The following CRIM1 variants were observed in gnomAD, a reference collection of about 807,000 sequenced individuals.
CRIM1 encodes cysteine-rich motor neuron 1 protein.
A neutral mutation model predicts 116.4 loss-of-function variants in CRIM1; 32 were observed. The observed-to-expected ratio is 0.27, with a 90% CI of 0.21 to 0.37. CRIM1 has a LOEUF of 0.37. Ranked by LOEUF, CRIM1 falls within the 10% of genes least tolerant of loss-of-function variation. CRIM1 has a pLI of 1.00. For missense variants in CRIM1, 1,331 were observed against 1,354.8 expected, an observed-to-expected ratio of 0.98 and a Z score of 0.28; for synonymous variants, 590 against 509.2, an observed-to-expected ratio of 1.16 and a Z score of -2.13.
chr2:36,412,462 T>G (rs1673288044), intron 2 of CRIM1, among the ~76,000 whole-genome samples: 1 of 152,200 alleles, frequency 6.6e-6, no homozygotes, highest in Non-Finnish European at 1.5e-5. Flanking sequence ...TGTATTTTAC[T>G]GCTCTCTTTA....
intron 1 of CRIM1, among the ~76,000 whole-genome samples, chr2:36,367,286 A>T (rs551883616): frequency 6.6e-6 from 1 of 152,338 alleles, no homozygotes; most frequent in East Asian, 1.9e-4. Context: ...CTGTGTTTTA[A>T]TCAAGACTGT....
chr2:36,524,807 C>T (rs1317585092), intron 13 of CRIM1, among the ~76,000 whole-genome samples: 1 of 152,022 alleles, frequency 6.6e-6, no homozygotes, highest in Non-Finnish European at 1.5e-5. Flanking sequence ...TGTAGTCTTT[C>T]TTTTTATTTT....
intron 1 of CRIM1, among the ~76,000 whole-genome samples, chr2:36,395,070 A>G (rs895591226): frequency 1.4e-5 from 2 of 138,040 alleles, no homozygotes; most frequent in Non-Finnish European, 3.0e-5. Context: ...GCTGGAGTGC[A>G]GTGGCATGAT....
intron 4 of CRIM1, among the ~76,000 whole-genome samples, chr2:36,463,294 A>G (rs76302226): frequency 0.076 from 11,522 of 152,254 alleles, 1,061 homozygotes; most frequent in African/African-American, 0.21. Context: ...GACTATAAGC[A>G]TATTTTAATT....
chr2:36,437,681 C>G (rs1034700024), intron 2 of CRIM1, among the ~76,000 whole-genome samples: 2 of 152,220 alleles, frequency 1.3e-5, no homozygotes, highest in African/African-American at 4.8e-5. Flanking sequence ...CCGTCAAACT[C>G]TGATCGACTT....
At position 36,452,980 on chromosome 2, in the gene CRIM1, C is replaced by T. The variant is rs1676855754; in HGVS notation, c.869+10245C>T. ...TGCTATGTCATCATCATGGCACATG[C>T]AAACAGAACAGCTCTGCAAAAATGC... On this transcript the variant is annotated intron_variant, in intron 4 of 16. Transcript: ENST00000280527. Among the ~76,000 whole-genome samples, 3 of 152,314 alleles carry T rather than the reference C, an allele frequency of 2.0e-5. No individual in the cohort carries two copies. The South Asian group carries it at 6.2e-4, about 32-fold the overall frequency.
At chr2:36,495,475 ATTTT>A (rs1024205619) in intron 7 of CRIM1, among the ~76,000 whole-genome samples, 29 of 129,682 alleles carry the variant, frequency 2.2e-4, no homozygotes, top group Middle Eastern at 4.1e-3. Context: ...TTATTTATTT[ATTTT>A]TTTTTTTTTT....
In CRIM1 at chr2:36,537,423, C is replaced by G. The variant is rs759475394; in HGVS notation, c.2500C>G (p.Leu834Val). 81 of 1,614,010 alleles carry G rather than the reference C, an allele frequency of 5.0e-5. No homozygotes were observed. The highest frequency in any genetic ancestry group is 6.6e-5 in the Non-Finnish European group (78 of 1,180,018). Residue 834 changes from leucine to valine, a missense_variant, in exon 14 of 17, where the codon CTT becomes GTT. By Grantham distance (32) the Leu-to-Val change is conservative. Coordinates refer to ENST00000280527, the MANE Select transcript of CRIM1 (RefSeq NM_016441.3). ...KAYADEERWD[L>V]DSCTHCYCLQ... ...CTATGCCGACGAGGAGCGGTGGGAC[C>G]TTGACAGCTGCACCCACTGCTACTG...
At chr2:36,502,749 T>C (rs942324424) in intron 8 of CRIM1, among the ~76,000 whole-genome samples, 1 of 152,206 alleles carries the variant, frequency 6.6e-6, no homozygotes, top group Non-Finnish European at 1.5e-5. Context: ...CCCAGGCTTA[T>C]GTTCACACCA....
intron 4 of CRIM1, among the ~76,000 whole-genome samples, chr2:36,464,226 A>G (rs1173003602): frequency 6.6e-6 from 1 of 152,186 alleles, no homozygotes; most frequent in Non-Finnish European, 1.5e-5. Flanking sequence ...TCAGCCAGAA[A>G]ATGTTTGTTA....
chr2:36,450,309 A>G (rs910323827), intron 4 of CRIM1, among the ~76,000 whole-genome samples: 1 of 152,100 alleles, frequency 6.6e-6, no homozygotes, highest in African/African-American at 2.4e-5. Context: ...CCATATTTGC[A>G]CTTGTTTCTC....
intron 8 of CRIM1, among the ~76,000 whole-genome samples, chr2:36,506,855 T>C (rs76131109): frequency 0.031 from 4,711 of 152,216 alleles, 246 homozygotes; most frequent in African/African-American, 0.11. Flanking sequence ...TTTATGTTTT[T>C]ATTTATTTAT....
intron 8 of CRIM1, among the ~76,000 whole-genome samples, chr2:36,504,126 G>A (rs563604433): frequency 2.0e-5 from 3 of 152,038 alleles, no homozygotes; most frequent in Non-Finnish European, 4.4e-5. Flanking sequence ...TGCCCGACTC[G>A]ATCTCCTAAA....
intron 14 of CRIM1, among the ~76,000 whole-genome samples, chr2:36,541,113 G>A (rs1251399907): frequency 1.3e-5 from 2 of 152,130 alleles, no homozygotes; most frequent in African/African-American, 4.8e-5. Context: ...CAGGAAGGCT[G>A]TATTCCTGTC....
chr2:36,396,862 A>G (rs1469598990), intron 2 of CRIM1, 75 bp downstream of exon 2: 9 of 1,279,972 alleles, frequency 7.0e-6, no homozygotes, highest in Middle Eastern at 1.9e-4. Context: ...ATAGTATTTG[A>G]GCTTGAAAAG....
In CRIM1 at chr2:36,397,029, C is replaced by G. The variant is rs113994769; in HGVS notation, c.505+242C>G. ...GGCCCTCTGTGCCAGCCCTCCTAGG[C>G]CACCTCTGCATAATGGATGATTTCA... On this transcript the variant is annotated intron_variant, in intron 2 of 16. Coordinates refer to ENST00000280527, the MANE Select transcript of CRIM1 (RefSeq NM_016441.3). 6.2e-3 allele frequency among the ~76,000 whole-genome samples: 945 copies of G among 152,256 alleles called. 9 individuals are homozygous for G. The highest frequency in any genetic ancestry group is 0.022 in the African/African-American group (909 of 41,550).
intron 1 of CRIM1, among the ~76,000 whole-genome samples, chr2:36,384,582 T>G (rs1401053373): frequency 1.3e-5 from 2 of 152,222 alleles, no homozygotes; most frequent in Non-Finnish European, 2.9e-5. Context: ...GTTGTCTGGT[T>G]TATTTCCCAT....
intron 11 of CRIM1, among the ~76,000 whole-genome samples, 164 bp downstream of exon 11, chr2:36,513,929 CTA>C (rs200164684): frequency 6.6e-6 from 1 of 152,216 alleles, no homozygotes; most frequent in East Asian, 1.9e-4. Context: ...CATCCAGGCA[CTA>C]TCAGTGAAGA....
chr2:36,409,746 G>C (rs941881672), intron 2 of CRIM1, among the ~76,000 whole-genome samples: 4 of 152,176 alleles, frequency 2.6e-5, no homozygotes, highest in Admixed American at 6.5e-5. Flanking sequence ...TTCTAGAATT[G>C]GCACTTCTTT....
Sources: allele counts gnomAD v4.1 joint callset (sites outside exome capture counted in the v4.1 genomes callset), GRCh38; gene constraint gnomAD v4.1.1; transcripts MANE v1.5; gene names NCBI Gene and HGNC (gene_info 2026-07-23, HGNC 2026-07-21).